Variants in RAPGEF2 observed in about 807,000 individuals in gnomAD.
The protein encoded by RAPGEF2 is Rap guanine nucleotide exchange factor 2.
A neutral mutation model predicts 186.7 loss-of-function variants in RAPGEF2; 54 were observed. The ratio of observed to expected loss-of-function variants is 0.29; its 90% CI spans 0.23 to 0.36. RAPGEF2 has a LOEUF of 0.36. Ranked by LOEUF, RAPGEF2 falls within the 10% of genes least tolerant of loss-of-function variation. The probability of loss-of-function intolerance (pLI) is 1.00; values close to 1 mark genes in which losing one functional copy is unlikely to be tolerated. For synonymous variants in RAPGEF2, 712 were observed against 705.9 expected (o/e 1.01, Z -0.14); for missense variants, 1,532 against 2,045.0 (o/e 0.75, Z 4.84).
intron 1 of RAPGEF2, among the ~76,000 whole-genome samples, chr4:159,131,519 A>ATTTTTTTTTTTTTTTTTTTTTTTTTT (rs35670450): frequency 1.1e-4 from 4 of 37,186 alleles, no homozygotes; most frequent in East Asian, 7.0e-4. Flanking sequence ...ATTAATTGCT[A>ATTTTTTTTTTTTTTTTTTTTTTTTTT]TTTTTTTTTT....
At chr4:159,296,830 C>T (rs1413925519) in intron 7 of RAPGEF2, among the ~76,000 whole-genome samples, 1 of 152,172 alleles carries the variant, frequency 6.6e-6, no homozygotes, top group East Asian at 1.9e-4. Flanking sequence ...CTTCCATTTT[C>T]AAGTGAAGTT....
At chr4:159,201,538 A>G (rs989652650) in intron 3 of RAPGEF2, among the ~76,000 whole-genome samples, 10 of 152,230 alleles carry the variant, frequency 6.6e-5, no homozygotes, top group Admixed American at 2.6e-4. Flanking sequence ...AGTAATTTTC[A>G]CTGTGGTTTT....
chr4:159,337,818 A>C (rs1247726101), intron 17 of RAPGEF2, among the ~76,000 whole-genome samples: 4 of 137,526 alleles, frequency 2.9e-5, no homozygotes. Context: ...TGAACCTGGG[A>C]GATGGAGCTT....
At position 159,114,568 on chromosome 4, in the gene RAPGEF2, T is replaced by C. The variant is rs1738840595; in HGVS notation, c.69+10337T>C. Reference sequence around the variant, plus strand: ...TTAACAATTTATTCACCTTTATTCCTACCTGAATTTTGTTGATATTCCCAA... The same window carrying C: ...TTAACAATTTATTCACCTTTATTCCCACCTGAATTTTGTTGATATTCCCAA... On this transcript the variant is annotated intron_variant, in intron 1 of 29. Coordinates refer to ENST00000691494, the MANE Select transcript of RAPGEF2 (RefSeq NM_001394067.2). 2.6e-5 allele frequency among the ~76,000 whole-genome samples: 4 copies of C among 152,214 alleles called. 1 individual carries two copies. In the South Asian group the frequency reaches 8.3e-4, roughly 32 times the overall value.
chr4:159,260,961 G>A (rs1034978817), intron 7 of RAPGEF2, among the ~76,000 whole-genome samples: 3 of 152,200 alleles, frequency 2.0e-5, no homozygotes, highest in Non-Finnish European at 4.4e-5. Context: ...TATTGGTCAG[G>A]CTGGTCTCGA....
At chr4:159,144,496 G>C (rs1429843059) in intron 1 of RAPGEF2, among the ~76,000 whole-genome samples, 1 of 152,186 alleles carries the variant, frequency 6.6e-6, no homozygotes, top group Non-Finnish European at 1.5e-5. Flanking sequence ...CTAAAGCTAG[G>C]TTATGAGCTA....
chr4:159,120,166 T>G (rs912189670), intron 1 of RAPGEF2, among the ~76,000 whole-genome samples: 3 of 152,084 alleles, frequency 2.0e-5, no homozygotes, highest in African/African-American at 7.2e-5. Flanking sequence ...ATTACAGGTG[T>G]ATGCCACCAC....
At chr4:159,238,769 T>A (rs1315586317) in intron 4 of RAPGEF2, 40 bp from the exon 5 acceptor site, 1 of 1,444,382 alleles carries the variant, frequency 6.9e-7, no homozygotes, top group East Asian at 2.5e-5. Flanking sequence ...CTTAAATCTC[T>A]GAGGTTCTCC....
chr4:159,294,880 A>G (rs1013141365), intron 7 of RAPGEF2, among the ~76,000 whole-genome samples: 2 of 152,132 alleles, frequency 1.3e-5, no homozygotes, highest in Non-Finnish European at 2.9e-5. Flanking sequence ...TTTAGTAGAG[A>G]CAGGGTTTCA....
At chr4:159,244,266 C>T (rs1246003341) in intron 7 of RAPGEF2, among the ~76,000 whole-genome samples, 2 of 151,758 alleles carry the variant, frequency 1.3e-5, no homozygotes, top group East Asian at 3.9e-4. Context: ...GGTAAAATTT[C>T]AGTCAGATTT....
At chr4:159,331,383 AT>A in intron 13 of RAPGEF2, 47 bp from the exon 14 acceptor site, 2 of 1,164,686 alleles carry the variant, frequency 1.7e-6, no homozygotes, top group Non-Finnish European at 2.5e-6. Flanking sequence ...TTTTAATCAC[AT>A]TTTTGGCACT....
chr4:159,167,808 G>C (rs1745487421), intron 1 of RAPGEF2, among the ~76,000 whole-genome samples: 1 of 152,054 alleles, frequency 6.6e-6, no homozygotes. Context: ...TAAATTTAGG[G>C]GCAAAGATCA....
At chr4:159,137,036 AGAAAAGGTGGGGGG>A (rs1170010781) in intron 1 of RAPGEF2, among the ~76,000 whole-genome samples, 9 of 152,218 alleles carry the variant, frequency 5.9e-5, no homozygotes, top group Non-Finnish European at 1.2e-4. Context: ...ATTTGTAAAC[AGAAAAGGTGGGGGG>A]GTTGGTAGTA....
intron 7 of RAPGEF2, among the ~76,000 whole-genome samples, chr4:159,281,362 TCA>T (rs1002034897): frequency 2.0e-5 from 3 of 152,034 alleles, no homozygotes; most frequent in Admixed American, 2.0e-4. Flanking sequence ...TGGTCTTACC[TCA>T]CAATATTGTT....
At chr4:159,298,378 CA>C (rs1370235150) in intron 7 of RAPGEF2, among the ~76,000 whole-genome samples, 3 of 152,030 alleles carry the variant, frequency 2.0e-5, no homozygotes, top group African/African-American at 7.3e-5. Context: ...TGAAAGGAGC[CA>C]AAATTACTGT....
At chr4:159,183,279 A>G (rs1747211102) in intron 1 of RAPGEF2, among the ~76,000 whole-genome samples, 5 of 152,252 alleles carry the variant, frequency 3.3e-5, no homozygotes, top group Admixed American at 6.5e-5. Flanking sequence ...TATATGGTCA[A>G]TTGATTTTTC....
chr4:159,351,707 C>T (rs991873438), intron 26 of RAPGEF2, among the ~76,000 whole-genome samples: 1 of 152,098 alleles, frequency 6.6e-6, no homozygotes, highest in Non-Finnish European at 1.5e-5. Flanking sequence ...CTTTGGGAGG[C>T]CAAGACAGGC....
At chr4:159,295,718 T>A (rs965045624) in intron 7 of RAPGEF2, among the ~76,000 whole-genome samples, 2 of 102,472 alleles carry the variant, frequency 2.0e-5, no homozygotes, top group African/African-American at 6.2e-5. Context: ...AGAGAGTGTG[T>A]GAGTGTGTGT....
intron 2 of RAPGEF2, among the ~76,000 whole-genome samples, chr4:159,191,690 G>A (rs543711568): frequency 4.6e-5 from 7 of 152,146 alleles, no homozygotes; most frequent in Non-Finnish European, 1.0e-4. Flanking sequence ...AGTGAGCTGA[G>A]ATCGCGCCAT....
Sources: gnomAD v4.1 joint callset for allele counts (sites outside exome capture counted in the v4.1 genomes callset) on GRCh38, gnomAD v4.1.1 for gene constraint, MANE v1.5 for transcripts, NCBI Gene and HGNC (gene_info 2026-07-23, HGNC 2026-07-21) for gene names.